Variants in KTN1 observed in about 807,000 individuals in gnomAD.
KTN1 encodes the protein kinectin.
A neutral mutation model predicts 222.5 loss-of-function variants in KTN1; 130 were observed. That is an observed-to-expected ratio of 0.58 (90% confidence interval 0.51 to 0.68). The LOEUF (loss-of-function observed/expected upper bound fraction) is 0.68, where lower values mean the gene tolerates loss of function less well. Ranked by LOEUF, KTN1 falls within the 30% of genes least tolerant of loss-of-function variation. The pLI is 0.00. For synonymous variants in KTN1, 512 were observed against 496.3 expected (o/e 1.03, Z -0.42); for missense variants, 1,508 against 1,500.4 (o/e 1.01, Z -0.08).
At chr14:55,635,956 T>TA (rs2041076056) in intron 9 of KTN1, among the ~76,000 whole-genome samples, 1 of 152,210 alleles carries the variant, frequency 6.6e-6, no homozygotes, top group Non-Finnish European at 1.5e-5. Context: ...CTGGCATAGA[T>TA]ACGGAAGTCT....
Position 55,633,305 on chromosome 14 carries a change from A to G in KTN1, c.1292A>G (p.Asp431Gly). Residue 431 changes from aspartate to glycine, a missense_variant, in exon 8 of 44, where the codon GAT becomes GGT. Transcript: ENST00000395314. The part of the protein sequence containing the change: ...HLKQENGILR[D>G]AVSNTTNQLE... ...AAGCAGGAAAATGGTATACTGAGAG[A>G]TGCAGTCAGCAACACTACAAATCAA... 6.3e-7 allele frequency: 1 copy of G among 1,592,828 alleles called. No homozygotes were observed. The highest frequency in any genetic ancestry group is 8.6e-7 in the Non-Finnish European group (1 of 1,169,546).
chr14:55,636,966 T>A (rs535535515), intron 10 of KTN1, among the ~76,000 whole-genome samples: 49 of 152,218 alleles, frequency 3.2e-4, no homozygotes, highest in African/African-American at 1.2e-3. Context: ...TACTCTTAAT[T>A]TGATGGATCC....
chr14:55,618,192 A>G, intron 4 of KTN1, 58 bp downstream of exon 4: 1 of 1,252,730 alleles, frequency 8.0e-7, no homozygotes, highest in Non-Finnish European at 1.1e-6. Context: ...CTGAGTTCTG[A>G]TGGAGTCATA....
chr14:55,656,232 G>C (rs1468836418), intron 29 of KTN1, 100 bp downstream of exon 29: 2 of 746,628 alleles, frequency 2.7e-6, no homozygotes, highest in Non-Finnish European at 4.5e-6. Context: ...TACAGAATGA[G>C]TCTCCCTCCC....
At chr14:55,650,778 C>G in intron 24 of KTN1, 141 bp downstream of exon 24, 1 of 546,554 alleles carries the variant, frequency 1.8e-6, no homozygotes, top group Non-Finnish European at 3.2e-6. Flanking sequence ...TATTTTTTGC[C>G]TGATTTGAGA....
At position 55,630,066 on chromosome 14, in the gene KTN1, G is replaced by A; in HGVS notation, c.1190G>A (p.Ser397Asn). The A allele has an allele frequency of 6.2e-6, 10 of 1,609,486 alleles. No individual in the cohort carries two copies. The highest frequency in any genetic ancestry group is 8.5e-6 in the Non-Finnish European group (10 of 1,176,304). ...HNVFQNKIHV[S>N]YQETQQMQMK... is the part of the protein sequence containing the mutation. ...GTATTTCAAAACAAAATACATGTCA[G>A]TTATCAAGAGACTCAACAGATGCAG... The change falls in exon 7 of 44, where the codon AGT becomes AAT. Residue 397 changes from serine (S) to asparagine (N), a missense_variant. By Grantham distance (46) the Ser-to-Asn change is conservative. Transcript: ENST00000395314.
chr14:55,585,479 A>G (rs2032793501), intron 1 of KTN1, among the ~76,000 whole-genome samples: 1 of 152,236 alleles, frequency 6.6e-6, no homozygotes, highest in Admixed American at 6.5e-5. Context: ...TTCTTAAAAT[A>G]AAGGTTATCC....
intron 5 of KTN1, among the ~76,000 whole-genome samples, chr14:55,620,636 T>A (rs148008459): frequency 6.6e-6 from 1 of 152,328 alleles, no homozygotes; most frequent in Non-Finnish European, 1.5e-5. Flanking sequence ...TGGCCCATGC[T>A]GTACCTTGGT....
chr14:55,678,579 T>C (rs1193637295), intron 42 of KTN1, 135 bp downstream of exon 42: 4 of 632,528 alleles, frequency 6.3e-6, no homozygotes, highest in South Asian at 1.9e-5. Flanking sequence ...AGTGTTTTCA[T>C]TGATGTTTGA....
rs777224558 is a variant in KTN1, at chr14:55,612,545, G to A, written c.497G>A (p.Gly166Glu). 1.3e-6 allele frequency: 2 copies of A among 1,585,330 alleles called. No individual in the cohort carries two copies. The highest frequency in any genetic ancestry group is 1.7e-6 in the Non-Finnish European group (2 of 1,172,400). The part of the protein sequence containing the change: ...SEAAASKKKP[G>E]QKKSKNGSDD... ...GCAGCTGCCTCGAAGAAGAAACCAG[G>A]GCAGAAGAAGTCTAAAAATGGAAGC... The change falls in exon 2 of 44, where the codon GGG becomes GAG. Residue 166 changes from glycine to glutamate, a missense_variant. By Grantham distance (98) the Gly-to-Glu change is moderately conservative. Coordinates refer to ENST00000395314, the MANE Select transcript of KTN1 (RefSeq NM_001079521.2).
intron 1 of KTN1, among the ~76,000 whole-genome samples, chr14:55,604,552 A>T (rs953354485): frequency 1.3e-5 from 2 of 152,082 alleles, no homozygotes; most frequent in African/African-American, 4.8e-5. Flanking sequence ...TTCCCTCCTT[A>T]TCACTATTCT....
chr14:55,624,565 A>C (rs1296331152), intron 5 of KTN1, among the ~76,000 whole-genome samples: 1 of 152,216 alleles, frequency 6.6e-6, no homozygotes, highest in Non-Finnish European at 1.5e-5. Flanking sequence ...AGTAGAAGAA[A>C]GGCTACAATG....
intron 34 of KTN1, among the ~76,000 whole-genome samples, chr14:55,669,139 T>C (rs181960183): frequency 5.3e-5 from 8 of 152,198 alleles, no homozygotes; most frequent in Admixed American, 3.3e-4. Context: ...GGGGATGTAT[T>C]TTTTGGCAGT....
chr14:55,629,304 A>G (rs1222658403), intron 6 of KTN1, among the ~76,000 whole-genome samples: 1 of 151,396 alleles, frequency 6.6e-6, no homozygotes, highest in African/African-American at 2.4e-5. Flanking sequence ...TGTAGTCTCA[A>G]CTACTCGGGA....
chr14:55,642,798 A>G (rs914917061), intron 18 of KTN1, among the ~76,000 whole-genome samples: 6 of 152,246 alleles, frequency 3.9e-5, no homozygotes, highest in Non-Finnish European at 7.3e-5. Context: ...GCATTATTAC[A>G]TAGTCTTACT....
At chr14:55,624,294 G>T (rs1041550097) in intron 5 of KTN1, among the ~76,000 whole-genome samples, 5 of 152,136 alleles carry the variant, frequency 3.3e-5, no homozygotes, top group African/African-American at 1.2e-4. Context: ...GAATAAAGAC[G>T]ACTTTAGAGC....
At chr14:55,640,142 C>T in intron 14 of KTN1, 139 bp downstream of exon 14, 1 of 676,420 alleles carries the variant, frequency 1.5e-6, no homozygotes, top group South Asian at 1.9e-5. Context: ...TTCTAAACTA[C>T]AAAATTCTCT....
chr14:55,600,429 G>A (rs113210846), intron 1 of KTN1, among the ~76,000 whole-genome samples: 1 of 152,104 alleles, frequency 6.6e-6, no homozygotes, highest in Non-Finnish European at 1.5e-5. Flanking sequence ...GTTATGGTTA[G>A]GGTAGAGCTA....
At chr14:55,586,860 T>A (rs947409601) in intron 1 of KTN1, among the ~76,000 whole-genome samples, 3 of 152,136 alleles carry the variant, frequency 2.0e-5, no homozygotes, top group Admixed American at 2.0e-4. Flanking sequence ...CAAGAAACTT[T>A]TCTGTTTCAT....
Sources: gnomAD v4.1 joint callset for allele counts (sites outside exome capture counted in the v4.1 genomes callset) on GRCh38, gnomAD v4.1.1 for gene constraint, MANE v1.5 for transcripts, NCBI Gene and HGNC (gene_info 2026-07-23, HGNC 2026-07-21) for gene names.